The following OR6K3 variants were observed in gnomAD, a reference collection of about 807,000 sequenced individuals.
OR6K3 encodes olfactory receptor family 6 subfamily K member 3.
For missense variants in OR6K3, 396 were observed against 382.5 expected, an observed-to-expected ratio of 1.04 and a Z score of -0.29; for synonymous variants, 169 against 137.7, an observed-to-expected ratio of 1.23 and a Z score of -1.59.
upstream of OR6K3, among the ~76,000 whole-genome samples, chr1:158,721,823 A>T (rs1169724784): frequency 6.6e-6 from 1 of 151,810 alleles, no homozygotes; most frequent in African/African-American, 2.4e-5. Flanking sequence ...AAATTCTGGG[A>T]CATATCTTCC....
In OR6K3 at chr1:158,718,027, G is replaced by A; in HGVS notation, c.89C>T (p.Pro30Leu). ...AATAAAAGTATAGATGAAAAGTAAA[G>A]GAAAGAAGTACAGGAGACTACCATC... is the stretch of plus-strand genomic sequence containing the variant. Reference protein sequence around the residue: ...LQDGSLLYFFPLLFIYTFIII... With the variant: ...LQDGSLLYFFLLLFIYTFIII... The change falls in exon 2 of 2, where the codon CCT becomes CTT. Residue 30 changes from proline to leucine, a missense_variant. Transcript: ENST00000368145. 4 of 1,612,918 alleles carry A rather than the reference G, an allele frequency of 2.5e-6. No homozygotes were observed. Among genetic ancestry groups the A allele is most frequent in the South Asian group, 1.1e-5 (1 of 91,028 alleles).
upstream of OR6K3, among the ~76,000 whole-genome samples, chr1:158,723,081 T>C (rs933794675): frequency 6.6e-6 from 1 of 152,054 alleles, no homozygotes; most frequent in East Asian, 1.9e-4. Context: ...TAAATATGTG[T>C]GTTTAAACTG....
chr1:158,719,337 T>G (rs1224158852), intron 1 of OR6K3, among the ~76,000 whole-genome samples: 2 of 152,016 alleles, frequency 1.3e-5, no homozygotes, highest in Non-Finnish European at 2.9e-5. Flanking sequence ...ATACACTCCC[T>G]TAGTGATCTC....
At chr1:158,724,356 C>A (rs1396696461), upstream of OR6K3, 1 of 184,880 alleles carries the variant, frequency 5.4e-6, no homozygotes, top group African/African-American at 2.3e-5. Context: ...TAGAAAAGGC[C>A]TTCTGGCGGC....
upstream of OR6K3, among the ~76,000 whole-genome samples, chr1:158,721,630 A>G (rs1029473444): frequency 2.0e-5 from 3 of 151,880 alleles, no homozygotes; most frequent in Non-Finnish European, 4.4e-5. Flanking sequence ...TTTTGATCCC[A>G]TGACTCAAGT....
intron 1 of OR6K3, among the ~76,000 whole-genome samples, chr1:158,720,230 A>C (rs528088234): frequency 2.6e-5 from 4 of 152,118 alleles, no homozygotes; most frequent in African/African-American, 9.6e-5. Flanking sequence ...TTTCTCCTTC[A>C]GGACAGTGAA....
Position 158,717,410 on chromosome 1 carries a change from C to A in OR6K3, c.706G>T (p.Ala236Ser). 1.9e-6 allele frequency: 3 copies of A among 1,613,694 alleles called. No individual in the cohort carries two copies. Among genetic ancestry groups the A allele is most frequent in the African/African-American group, 1.3e-5 (1 of 74,998 alleles). The change falls in exon 2 of 2, where the codon GCT becomes TCT. Residue 236 changes from alanine to serine, a missense_variant. Ala to Ser is a moderately conservative substitution (Grantham distance 99). Coordinates refer to ENST00000368145, the MANE Select transcript of OR6K3 (RefSeq NM_001005327.3). ...RIPSSEGRQK[A>S]FSTCAGHLMV... Reference sequence around the variant, plus strand: ...AGGTGGCCTGCACAGGTAGAAAAAGCCTTTTGCCTCCCTTCAGAAGAGGGA... The same window carrying A: ...AGGTGGCCTGCACAGGTAGAAAAAGACTTTTGCCTCCCTTCAGAAGAGGGA...
Position 158,716,923 on chromosome 1 carries a change from G to C in OR6K3, c.*245C>G, listed in dbSNP as rs1656158224. ...ACCTAAGGTCAGGAGTTCAAGACCA[G>C]CCTGACCAACACAGTGAAACCCCAT... On this transcript the variant is annotated 3_prime_UTR_variant, in exon 2 of 2. Coordinates refer to ENST00000368145, the MANE Select transcript of OR6K3 (RefSeq NM_001005327.3). 2.6e-6 allele frequency: 1 copy of C among 378,856 alleles called. No homozygotes were observed. The highest frequency in any genetic ancestry group is 2.9e-5 in the South Asian group (1 of 34,914). The allele number at this position is 378,856 out of a possible 1,614,324, so 23.5% of individuals were successfully genotyped here.
In OR6K3 at chr1:158,717,305, T is replaced by C. The variant is rs1202689735; in HGVS notation, c.811A>G (p.Thr271Ala). 6.2e-7 allele frequency: 1 copy of C among 1,613,752 alleles called. No individual in the cohort carries two copies. Among genetic ancestry groups the C allele is most frequent in the Admixed American group, 1.7e-5 (1 of 59,972 alleles). Residue 271 changes from threonine to alanine, a missense_variant, in exon 2 of 2, where the codon ACA (threonine) becomes GCA (alanine). Coordinates refer to ENST00000368145, the MANE Select transcript of OR6K3 (RefSeq NM_001005327.3). ...FSDTYPPVLDTAIALMFTVLA... is the reference protein window; with the variant it reads ...FSDTYPPVLDAAIALMFTVLA... Reference sequence around the variant, plus strand: ...ACAGTAAACATCAGTGCAATGGCTGTGTCCAAAACTGGTGGATAAGTGTCG... The same window carrying C: ...ACAGTAAACATCAGTGCAATGGCTGCGTCCAAAACTGGTGGATAAGTGTCG...
At chr1:158,719,399 C>T (rs570102151) in intron 1 of OR6K3, among the ~76,000 whole-genome samples, 2 of 151,836 alleles carry the variant, frequency 1.3e-5, no homozygotes, top group African/African-American at 2.4e-5. Context: ...TTTCTCTAAC[C>T]AATCTCTCTT....
rs1445943177 is a variant in OR6K3 at position 158,717,099 on chromosome 1, C to A, written c.*69G>T. 1 of 1,100,644 alleles carries A rather than the reference C, an allele frequency of 9.1e-7. No homozygotes were observed. Among genetic ancestry groups the A allele is most frequent in the East Asian group, 2.4e-5 (1 of 42,454 alleles). The allele number at this position is 1,100,644 out of a possible 1,614,324, so 68.2% of individuals were successfully genotyped here. A position where few individuals can be genotyped will look rare whatever the true frequency, so the allele number is the denominator to read the frequency against. On this transcript the variant is annotated 3_prime_UTR_variant, in exon 2 of 2. Transcript: ENST00000368145. Reference sequence around the variant, plus strand: ...TGCCATTGCACTCCAGCCCAGGCAACAAGAGTGAAACTCCATCTCAAAAAA... The same window carrying A: ...TGCCATTGCACTCCAGCCCAGGCAAAAAGAGTGAAACTCCATCTCAAAAAA...
At chr1:158,719,141 C>T (rs1269648749) in intron 1 of OR6K3, among the ~76,000 whole-genome samples, 2 of 151,906 alleles carry the variant, frequency 1.3e-5, no homozygotes, top group Admixed American at 6.6e-5. Flanking sequence ...AGGGACGTGA[C>T]GCCCAGATAG....
chr1:158,717,760 G>A lies in OR6K3; in HGVS notation c.356C>T (p.Ala119Val). 6.2e-7 allele frequency: 1 copy of A among 1,613,814 alleles called. No individual in the cohort carries two copies. The highest frequency in any genetic ancestry group is 1.1e-5 in the South Asian group (1 of 91,078). Residue 119 changes from alanine to valine, a missense_variant, in exon 2 of 2, where the codon GCC becomes GTC. Coordinates refer to ENST00000368145, the MANE Select transcript of OR6K3 (RefSeq NM_001005327.3). ...GCAGATGGCAACGTATCTGTCAATGGCCATGGTGGTCAGCAAGATCCCCTC... is the reference window on the plus strand; with the variant it reads ...GCAGATGGCAACGTATCTGTCAATGACCATGGTGGTCAGCAAGATCCCCTC... ...NSEGILLTTM[A>V]IDRYVAICNP...
At chr1:158,724,267 A>C (rs192379873), upstream of OR6K3, 545 of 157,736 alleles carry the variant, frequency 3.5e-3, 4 homozygotes, top group African/African-American at 0.012. Context: ...AATCGGTGGG[A>C]AAGTGGCAGA....
At chr1:158,718,390 T>C (rs1466607962) in intron 1 of OR6K3, among the ~76,000 whole-genome samples, 1 of 151,366 alleles carries the variant, frequency 6.6e-6, no homozygotes, top group East Asian at 2.0e-4. Context: ...GTAGTTCTTC[T>C]TATTCCTCAA....
At chr1:158,723,555 G>T (rs1238155712), upstream of OR6K3, among the ~76,000 whole-genome samples, 1 of 151,954 alleles carries the variant, frequency 6.6e-6, no homozygotes, top group Non-Finnish European at 1.5e-5. Flanking sequence ...TCTGTGTTTT[G>T]CACATTCTCT....
upstream of OR6K3, among the ~76,000 whole-genome samples, chr1:158,723,035 CTT>C (rs1233823567): frequency 2.0e-5 from 3 of 151,872 alleles, no homozygotes; most frequent in East Asian, 3.9e-4. Flanking sequence ...AGTCCTGACT[CTT>C]TTATTTCTAT....
chr1:158,719,758 T>C (rs1656247740), intron 1 of OR6K3, among the ~76,000 whole-genome samples: 1 of 152,088 alleles, frequency 6.6e-6, no homozygotes, highest in Non-Finnish European at 1.5e-5. Context: ...GAGAAAATAT[T>C]AATACTGGTT....
chr1:158,717,937 T>C lies in OR6K3; in HGVS notation c.179A>G (p.Tyr60Cys), dbSNP rs750263215. 1.2e-6 allele frequency: 2 copies of C among 1,613,720 alleles called. No individual in the cohort carries two copies. Among genetic ancestry groups the C allele is most frequent in the East Asian group, 4.5e-5 (2 of 44,834 alleles). Residue 60 changes from tyrosine to cysteine, a missense_variant, in exon 2 of 2, where the codon TAT (tyrosine) becomes TGT (cysteine). Tyr to Cys is a radical substitution (Grantham distance 194). Transcript: ENST00000368145. ...RLDTHLHNPM[Y>C]NFISIFSFLE... Reference sequence around the variant, plus strand: ...AAAGGAAAATATACTGATAAAATTATACATGGGGTTGTGGAGATGGGTGTC... The same window carrying C: ...AAAGGAAAATATACTGATAAAATTACACATGGGGTTGTGGAGATGGGTGTC...
Sources: allele counts gnomAD v4.1 joint callset (sites outside exome capture counted in the v4.1 genomes callset), GRCh38; gene constraint gnomAD v4.1.1; transcripts MANE v1.5; gene names NCBI Gene and HGNC (gene_info 2026-07-23, HGNC 2026-07-21).